TET3: variants seen among roughly 807,000 people sequenced by gnomAD.
The protein encoded by TET3 is methylcytosine dioxygenase TET3.
Under a neutral mutation model 141.4 loss-of-function variants are expected in TET3, and 19 were observed. The ratio of observed to expected loss-of-function variants is 0.13; its 90% CI spans 0.09 to 0.20. The LOEUF is 0.20. TET3 is among the 10% of genes least tolerant of loss of function. The pLI, the probability that TET3 is intolerant of heterozygous loss-of-function variation, is 1.00. For missense variants in TET3, 1,874 were observed against 2,356.9 expected, an observed-to-expected ratio of 0.80 and a Z score of 4.24; for synonymous variants, 1,043 against 980.9, an observed-to-expected ratio of 1.06 and a Z score of -1.18.
intron 3 of TET3, among the ~76,000 whole-genome samples, chr2:74,032,449 CTCTGTG>C (rs1174742836): frequency 0.019 from 799 of 42,042 alleles, 6 homozygotes; most frequent in Middle Eastern, 0.029. Context: ...AGGGGTGTGT[CTCTGTG>C]TGTGTGTGTG....
At chr2:74,002,772 C>A in intron 2 of TET3, 1 of 538,658 alleles carries the variant, frequency 1.9e-6, no homozygotes, top group South Asian at 2.5e-5. Flanking sequence ...GGAGGCCCGC[C>A]GGCCGATGCA....
At chr2:74,066,381 A>G (rs1241004745) in intron 4 of TET3, among the ~76,000 whole-genome samples, 1 of 152,236 alleles carries the variant, frequency 6.6e-6, no homozygotes, top group Non-Finnish European at 1.5e-5. Flanking sequence ...CAAGAAATCG[A>G]TGGTGGTAGT....
At chr2:74,049,567 AAC>A (rs1050509056) in intron 4 of TET3, among the ~76,000 whole-genome samples, 34 of 152,334 alleles carry the variant, frequency 2.2e-4, no homozygotes, top group Non-Finnish European at 3.4e-4. Flanking sequence ...GTTGACAGAA[AAC>A]ACAGTGGTGC....
chr2:74,033,933 T>TA (rs1164989828), intron 3 of TET3, among the ~76,000 whole-genome samples: 1 of 151,900 alleles, frequency 6.6e-6, no homozygotes, highest in South Asian at 2.1e-4. Flanking sequence ...CCATCTCTAC[T>TA]AAAAACACAA....
intron 2 of TET3, among the ~76,000 whole-genome samples, 175 bp downstream of exon 2, chr2:73,986,881 A>G (rs1044923062): frequency 6.6e-6 from 1 of 152,150 alleles, no homozygotes; most frequent in East Asian, 1.9e-4. Context: ...AGGGCTGACA[A>G]TTTGTATGAG....
chr2:74,037,519 G>A (rs1366160488), intron 3 of TET3, among the ~76,000 whole-genome samples: 1 of 152,214 alleles, frequency 6.6e-6, no homozygotes, highest in Admixed American at 6.5e-5. Context: ...GTACTGGGTG[G>A]AGTTTACTGG....
At position 74,046,923 on chromosome 2, in the gene TET3, G is replaced by C; in HGVS notation, c.1006G>C (p.Gly336Arg). The C allele has an allele frequency of 6.2e-7, 1 of 1,613,874 alleles. No individual in the cohort carries two copies. Among genetic ancestry groups the C allele is most frequent in the Non-Finnish European group, 8.5e-7 (1 of 1,179,866 alleles). Residue 336 changes from glycine (G) to arginine (R), a missense_variant, in exon 4 of 12, where the codon GGC becomes CGC. Gly to Arg is a moderately radical substitution (Grantham distance 125). This residue lies in a region of TET3 where 366 missense variants were observed against 487.0 expected (regional missense o/e 0.75). Coordinates refer to ENST00000409262, the MANE Select transcript of TET3 (RefSeq NM_001287491.2). The surrounding 1 kb of genome is among the most constrained non-coding windows in gnomAD (Gnocchi z 4.3). Reference sequence around the variant, plus strand: ...GGTGCCCCAGATCTCTCCCCAAGAGGGCCTGCCCCTGTCCCAGAGTGCCCT... The same window carrying C: ...GGTGCCCCAGATCTCTCCCCAAGAGCGCCTGCCCCTGTCCCAGAGTGCCCT... ...SEVPQISPQE[G>R]LPLSQSALSI... is the part of the protein sequence containing the mutation.
rs975539418 is a variant in TET3, at chr2:74,102,368, C to A, written c.*192C>A. 2.4e-6 allele frequency: 2 copies of A among 823,282 alleles called. No homozygotes were observed. Among genetic ancestry groups the A allele is most frequent in the South Asian group, 6.4e-5 (1 of 15,668 alleles). The allele number at this position is 823,282 out of a possible 1,614,324, so 51.0% of individuals were successfully genotyped here. ...AACTGACCCGCCCCTCCCTTACCCC[C>A]ACTTCCCCAGCACTTTGAAGAAGAA... On this transcript the variant is annotated 3_prime_UTR_variant, in exon 12 of 12. Transcript: ENST00000409262.
At chr2:73,985,376 G>T (rs2105050829) in intron 1 of TET3, among the ~76,000 whole-genome samples, 1 of 144,484 alleles carries the variant, frequency 6.9e-6, no homozygotes, top group South Asian at 2.1e-4. Context: ...CCGGAGCGGA[G>T]TGGCGGAGGC....
rs1175029974 is a variant in TET3, at chr2:74,046,640, A to G, written c.723A>G (p.Pro241=). 3 of 1,614,088 alleles carry G rather than the reference A, an allele frequency of 1.9e-6. No individual in the cohort carries two copies. The highest frequency in any genetic ancestry group is 1.6e-4 in the Middle Eastern group (1 of 6,062). ...EAGNNSRGPR[P]GPEGCSAGSE... The stretch of plus-strand genomic sequence containing the variant: ...GGAACAACAGCAGGGGACCCCGGCC[A>G]GGGCCTGAGGGCTGCTCTGCTGGCA... The change falls in exon 4 of 12, where the codon CCA becomes CCG. Residue 241 remains proline, a synonymous_variant. Transcript: ENST00000409262. This position sits in a 1 kb window ranked among gnomAD's most constrained non-coding sequence, Gnocchi z 4.3.
At chr2:74,025,085 G>C (rs901809227) in intron 3 of TET3, among the ~76,000 whole-genome samples, 1 of 151,376 alleles carries the variant, frequency 6.6e-6, no homozygotes, top group Non-Finnish European at 1.5e-5. Context: ...TTAGCCGGGC[G>C]TGGTGGCGGG....
At chr2:74,079,714 T>C (rs562064577) in intron 5 of TET3, among the ~76,000 whole-genome samples, 12 of 152,312 alleles carry the variant, frequency 7.9e-5, no homozygotes, top group African/African-American at 2.4e-4. Flanking sequence ...GCCACAGTTA[T>C]ATAGCAAGAC....
chr2:74,113,249 G>A, the TET3 span, among the ~76,000 whole-genome samples: 1 of 152,098 alleles, frequency 6.6e-6, no homozygotes, highest in East Asian at 1.9e-4. Context: ...AGCCGGGCAT[G>A]GTGGCACATG....
intron 3 of TET3, among the ~76,000 whole-genome samples, chr2:74,021,008 G>T (rs1686010858): frequency 6.6e-6 from 1 of 152,190 alleles, no homozygotes; most frequent in Non-Finnish European, 1.5e-5. Context: ...TGGCTCCTCT[G>T]CTGGTTTGTT....
intron 2 of TET3, among the ~76,000 whole-genome samples, chr2:74,000,658 G>C (rs150833598): frequency 6.6e-6 from 1 of 152,250 alleles, no homozygotes; most frequent in East Asian, 1.9e-4. Context: ...GGTCTTCTTT[G>C]TATCTCCCTG....
rs116796416 is a variant in TET3 at position 73,989,300 on chromosome 2, C to T, written c.303+2594C>T. 4.4e-3 allele frequency among the ~76,000 whole-genome samples: 671 copies of T among 152,270 alleles called. 3 individuals carry two copies. Among genetic ancestry groups the T allele is most frequent in the Middle Eastern group, 0.014 (4 of 294 alleles). On this transcript the variant is annotated intron_variant, in intron 2 of 11. Transcript: ENST00000409262. ...GGGACGCAGTATCCTAGGATCCTCT[C>T]GGACATCAGACCATTTACCTGCATT...
chr2:74,053,666 G>A (rs1281376737), intron 4 of TET3, among the ~76,000 whole-genome samples: 1 of 152,222 alleles, frequency 6.6e-6, no homozygotes, highest in African/African-American at 2.4e-5. Context: ...GGAGCATGGT[G>A]AAAGTCTGGG....
chr2:74,066,658 T>G (rs908953065), intron 4 of TET3, among the ~76,000 whole-genome samples: 1 of 152,234 alleles, frequency 6.6e-6, no homozygotes, highest in Admixed American at 6.5e-5. Context: ...TTGGTTTTGT[T>G]TGGCACTTGA....
the TET3 span, among the ~76,000 whole-genome samples, chr2:74,128,799 T>C: frequency 6.7e-6 from 1 of 150,230 alleles, no homozygotes; most frequent in African/African-American, 2.5e-5. Context: ...CTGGGCAACA[T>C]AGTAAGACCT....
Sources: allele counts gnomAD v4.1 joint callset (sites outside exome capture counted in the v4.1 genomes callset), GRCh38; gene constraint gnomAD v4.1.1; regional missense constraint gnomAD v4.1.1; non-coding constraint Gnocchi (gnomAD v3.1); transcripts MANE v1.5; gene names NCBI Gene and HGNC (gene_info 2026-07-23, HGNC 2026-07-21).